PARD3B: variants seen among roughly 807,000 people sequenced by gnomAD.
The protein encoded by PARD3B is partitioning defective 3 homolog B.
A neutral mutation model predicts 130.2 loss-of-function variants in PARD3B; 103 were observed. The observed-to-expected ratio is 0.79, with a 90% CI of 0.67 to 0.93. The LOEUF (loss-of-function observed/expected upper bound fraction) is 0.93. Among genes scored for constraint, PARD3B ranks in the 40% least tolerant of loss-of-function variants. The probability of loss-of-function intolerance (pLI) is 0.00; values close to 1 mark genes in which losing one functional copy is unlikely to be tolerated. For synonymous variants in PARD3B, 583 were observed against 553.2 expected (o/e 1.05, Z -0.76); for missense variants, 1,609 against 1,499.2 (o/e 1.07, Z -1.21).
In PARD3B at chr2:205,230,278, A is replaced by T. The variant is rs764633086; in HGVS notation, c.2141-15500A>T. ...AGCATGTCTCTGAGTCTCACCCAAG[A>T]CCCATGGCAAGTACTGCCTGGCTAC... On this transcript the variant is annotated intron_variant, in intron 15 of 22. Coordinates refer to ENST00000406610, the MANE Select transcript of PARD3B (RefSeq NM_001302769.2). This position sits in a 1 kb window ranked among gnomAD's most constrained non-coding sequence, Gnocchi z 4.1. Among the ~76,000 whole-genome samples the T allele has an allele frequency of 6.0e-5, 9 of 150,642 alleles. No homozygotes were observed. The highest frequency in any genetic ancestry group is 3.6e-3 in the Middle Eastern group (1 of 278).
intron 1 of PARD3B, among the ~76,000 whole-genome samples, chr2:204,668,316 T>G (rs879285408): frequency 2.8e-4 from 42 of 152,338 alleles, no homozygotes; most frequent in Admixed American, 2.4e-3. Context: ...TATTGAAATA[T>G]GTGTTTGGCT....
At chr2:204,680,293 G>C (rs2036765430) in intron 1 of PARD3B, among the ~76,000 whole-genome samples, 1 of 151,856 alleles carries the variant, frequency 6.6e-6, no homozygotes. Flanking sequence ...TATTTTTACT[G>C]TCCATTTTGT....
intron 10 of PARD3B, among the ~76,000 whole-genome samples, chr2:205,140,386 T>C (rs565333516): frequency 4.1e-5 from 6 of 147,404 alleles, no homozygotes; most frequent in Admixed American, 2.8e-4. Flanking sequence ...TAATTGAAAG[T>C]GTGGTCCCAG....
At chr2:205,556,233 C>T (rs1441940893) in intron 22 of PARD3B, among the ~76,000 whole-genome samples, 2 of 152,160 alleles carry the variant, frequency 1.3e-5, no homozygotes, top group Non-Finnish European at 2.9e-5. Flanking sequence ...GGTGGCCAAC[C>T]TTATGGAGAA....
intron 2 of PARD3B, among the ~76,000 whole-genome samples, chr2:204,812,468 T>A (rs2125526403): frequency 6.6e-6 from 1 of 152,288 alleles, no homozygotes; most frequent in South Asian, 2.1e-4. Flanking sequence ...GAGATCCAAG[T>A]GCACCATTTA....
intron 15 of PARD3B, among the ~76,000 whole-genome samples, chr2:205,209,958 T>A (rs1421347067): frequency 6.6e-6 from 1 of 152,134 alleles, no homozygotes; most frequent in East Asian, 1.9e-4. Flanking sequence ...GATACCCCAC[T>A]TTCCATGATG....
chr2:205,335,075 C>T (rs1369939891), intron 18 of PARD3B, among the ~76,000 whole-genome samples: 1 of 152,160 alleles, frequency 6.6e-6, no homozygotes, highest in African/African-American at 2.4e-5. Flanking sequence ...ATAGTTTATG[C>T]CCCTCCCTTC....
rs1157758004 is a variant in PARD3B, at chr2:205,292,899, A to C, written c.2186-7631A>C. Among the ~76,000 whole-genome samples, 2 of 152,206 alleles carry C rather than the reference A, an allele frequency of 1.3e-5. No individual in the cohort carries two copies. The highest frequency in any genetic ancestry group is 2.9e-5 in the Non-Finnish European group (2 of 68,040). On this transcript the variant is annotated intron_variant, in intron 16 of 22. Transcript: ENST00000406610. The surrounding 1 kb of genome is among the most constrained non-coding windows in gnomAD (Gnocchi z 5.3). ...GAGCCACAAAAAATACCCAGTAAAT[A>C]ATTGTCAACAGCTGACTTGATTTTG...
chr2:204,804,347 G>A (rs1055842760), intron 2 of PARD3B, among the ~76,000 whole-genome samples: 2 of 152,132 alleles, frequency 1.3e-5, no homozygotes, highest in Non-Finnish European at 2.9e-5. Context: ...AACAGGAATA[G>A]CTATATTTTT....
In PARD3B at chr2:205,416,345, G is replaced by T. The variant is rs56851271; in HGVS notation, c.2741+15222G>T. ...GAGCATCTGATAACCATTCCTTAAT[G>T]AATTGGAAAAGTATTATTTTAGTTA... On this transcript the variant is annotated intron_variant, in intron 19 of 22. Transcript: ENST00000406610. 3.7e-4 allele frequency among the ~76,000 whole-genome samples: 56 copies of T among 152,244 alleles called. 1 individual carries two copies. In the East Asian group the frequency reaches 0.011, roughly 29 times the overall value.
At chr2:204,919,725 C>G (rs1203977045) in intron 2 of PARD3B, among the ~76,000 whole-genome samples, 1 of 152,114 alleles carries the variant, frequency 6.6e-6, no homozygotes. Context: ...TATGACTCTT[C>G]TTTCATCTAA....
At chr2:205,169,820 C>T (rs2035044405) in intron 11 of PARD3B, among the ~76,000 whole-genome samples, 1 of 152,174 alleles carries the variant, frequency 6.6e-6, no homozygotes, top group South Asian at 2.1e-4. Flanking sequence ...TAACAAGATT[C>T]AGCCCAATGG....
intron 22 of PARD3B, among the ~76,000 whole-genome samples, chr2:205,580,965 G>C (rs767836517): frequency 9.9e-5 from 15 of 152,128 alleles, no homozygotes; most frequent in Non-Finnish European, 2.1e-4. Flanking sequence ...ACTGCAATCT[G>C]AGTATAAAAT....
chr2:205,208,587 AG>A (rs1417803625), intron 15 of PARD3B, among the ~76,000 whole-genome samples: 1 of 143,680 alleles, frequency 7.0e-6, no homozygotes, highest in Non-Finnish European at 1.5e-5. Context: ...AGACAAACAG[AG>A]AGCCAAATCA....
At position 204,884,869 on chromosome 2, in the gene PARD3B, T is replaced by C. The variant is rs7562376; in HGVS notation, c.223-80283T>C. On this transcript the variant is annotated intron_variant, in intron 2 of 22. Coordinates refer to ENST00000406610, the MANE Select transcript of PARD3B (RefSeq NM_001302769.2). ...GTATATATGTACCATATTTTCTTTA[T>C]CCAGTCTATTGATGAGCATTTGAGT... 3.7e-3 allele frequency among the ~76,000 whole-genome samples: 564 copies of C among 152,328 alleles called. 3 individuals carry two copies. Among genetic ancestry groups the C allele is most frequent in the African/African-American group, 0.013 (535 of 41,568 alleles).
chr2:204,604,464 A>G (rs868200146), intron 1 of PARD3B, among the ~76,000 whole-genome samples: 4 of 152,228 alleles, frequency 2.6e-5, no homozygotes, highest in East Asian at 1.9e-4. Context: ...AGTCTTTCCA[A>G]TGGACATTTT....
intron 1 of PARD3B, among the ~76,000 whole-genome samples, chr2:204,656,037 T>C (rs2035627525): frequency 6.6e-6 from 1 of 151,918 alleles, no homozygotes; most frequent in Non-Finnish European, 1.5e-5. Context: ...GCAAAGGAAA[T>C]GTTCTAAGAA....
rs2054393776 is a variant in PARD3B at position 205,591,770 on chromosome 2, A to G, written c.3261-23686A>G. On this transcript the variant is annotated intron_variant, in intron 22 of 22. Transcript: ENST00000406610. The surrounding 1 kb of genome is among the most constrained non-coding windows in gnomAD (Gnocchi z 4.2). The stretch of plus-strand genomic sequence containing the variant: ...CCCCAGTCAGATGAGATAAAAAGAG[A>G]AGGTCTGGTGGTTCAGGTCACTGAA... Among the ~76,000 whole-genome samples, 1 of 152,142 alleles carries G rather than the reference A, an allele frequency of 6.6e-6. No homozygotes were observed. Among genetic ancestry groups the G allele is most frequent in the South Asian group, 2.1e-4 (1 of 4,822 alleles).
At chr2:205,017,576 C>T (rs758610408) in intron 3 of PARD3B, among the ~76,000 whole-genome samples, 2 of 152,152 alleles carry the variant, frequency 1.3e-5, no homozygotes, top group African/African-American at 4.8e-5. Flanking sequence ...ATCTGCCCAG[C>T]CTGGATGGCT....
Sources: gnomAD v4.1 joint callset for allele counts (sites outside exome capture counted in the v4.1 genomes callset) on GRCh38, gnomAD v4.1.1 for gene constraint, Gnocchi (gnomAD v3.1) non-coding constraint, MANE v1.5 for transcripts, NCBI Gene and HGNC (gene_info 2026-07-23, HGNC 2026-07-21) for gene names.